NBPF8: variants seen among roughly 807,000 people sequenced by gnomAD.
NBPF8 encodes NBPF family member NBPF8.
upstream of NBPF8, among the ~76,000 whole-genome samples, chr1:120,415,725 C>T (rs1427301597): frequency 1.3e-5 from 2 of 152,184 alleles, no homozygotes; most frequent in Non-Finnish European, 2.9e-5. Flanking sequence ...GCGGTTTCTC[C>T]AGGCTGGTGA....
upstream of NBPF8, among the ~76,000 whole-genome samples, chr1:120,434,510 C>T (rs2101601824): frequency 6.7e-6 from 1 of 148,516 alleles, no homozygotes; most frequent in African/African-American, 2.5e-5. Context: ...CTCCCCCAGC[C>T]CTCACCCCAT....
At chr1:120,419,490 AT>A (rs1370432148), upstream of NBPF8, among the ~76,000 whole-genome samples, 55 of 150,402 alleles carry the variant, frequency 3.7e-4, no homozygotes, top group East Asian at 4.7e-3. Context: ...AGGACTCTTT[AT>A]TTTTTTTTCC....
Position 120,464,556 on chromosome 1 carries a change from C to T in NBPF8, n.3459+8C>T, listed in dbSNP as rs1165414512. 6 of 770,316 alleles carry T rather than the reference C, an allele frequency of 7.8e-6. No individual in the cohort carries two copies. The highest frequency in any genetic ancestry group is 7.0e-5 in the African/African-American group (4 of 57,336). The allele number at this position is 770,316 out of a possible 1,614,324, so 47.7% of individuals were successfully genotyped here. A position where few individuals can be genotyped will look rare whatever the true frequency, so the allele number is the denominator to read the frequency against. Reference sequence around the variant, plus strand: ...TTTCTCTTGACGTGGGAGGTGAGTACCTTTCTATGAAGGTGATAAGGATCC... The same window carrying T: ...TTTCTCTTGACGTGGGAGGTGAGTATCTTTCTATGAAGGTGATAAGGATCC... On this transcript the variant is annotated splice_region_variant and intron_variant and non_coding_transcript_variant, in intron 23 of 24. Coordinates refer to ENST00000583271, the Ensembl canonical transcript of NBPF8.
chr1:120,431,079 C>A (rs1660860919), intron 3 of NBPF8, among the ~76,000 whole-genome samples: 1 of 147,598 alleles, frequency 6.8e-6, no homozygotes, highest in African/African-American at 2.5e-5. Context: ...AATTCACTAC[C>A]TATTTCCAGA....
At chr1:120,429,887 TATC>T (rs1394797921) in intron 3 of NBPF8, among the ~76,000 whole-genome samples, 6 of 150,442 alleles carry the variant, frequency 4.0e-5, no homozygotes, top group Admixed American at 1.3e-4. Context: ...ATTTAAAAAA[TATC>T]ATTTTATATA....
chr1:120,421,132 C>G (rs1660562855), intron 1 of NBPF8, among the ~76,000 whole-genome samples: 1 of 151,958 alleles, frequency 6.6e-6, no homozygotes, highest in South Asian at 2.1e-4. Context: ...GGCACCAGAA[C>G]TTATCCAAAG....
downstream of NBPF8, among the ~76,000 whole-genome samples, chr1:120,468,963 A>T (rs1474826208): frequency 2.0e-5 from 3 of 152,088 alleles, no homozygotes; most frequent in Non-Finnish European, 4.4e-5. Flanking sequence ...TATGGGTGAG[A>T]TTTTTGAGTC....
chr1:120,435,786 A>C (rs1661056054), upstream of NBPF8, among the ~76,000 whole-genome samples: 1 of 151,660 alleles, frequency 6.6e-6, no homozygotes, highest in Non-Finnish European at 1.5e-5. Context: ...GAATAGCGTG[A>C]ACCTGGGAGG....
chr1:120,460,174 C>T (rs1298921736), intron 17 of NBPF8, among the ~76,000 whole-genome samples: 3 of 152,290 alleles, frequency 2.0e-5, no homozygotes, highest in South Asian at 4.2e-4. Context: ...CATTGCACCC[C>T]CTCATCAAAT....
At chr1:120,450,543 T>G (rs1474838808) in intron 11 of NBPF8, among the ~76,000 whole-genome samples, 1 of 152,160 alleles carries the variant, frequency 6.6e-6, no homozygotes, top group East Asian at 1.9e-4. Flanking sequence ...CCTAGAACAT[T>G]TATTGGCACA....
chr1:120,448,979 G>A (rs1281281284), intron 10 of NBPF8, among the ~76,000 whole-genome samples: 1 of 52,966 alleles, frequency 1.9e-5, no homozygotes, highest in Non-Finnish European at 3.7e-5. Flanking sequence ...CAAGAAAAGT[G>A]TAGAAGTGTT....
At chr1:120,424,596 T>A (rs1255177587) in intron 1 of NBPF8, among the ~76,000 whole-genome samples, 9 of 152,252 alleles carry the variant, frequency 5.9e-5, no homozygotes, top group Non-Finnish European at 7.4e-5. Context: ...TACAGGCGCC[T>A]GCCACCACAC....
intron 13 of NBPF8, among the ~76,000 whole-genome samples, chr1:120,452,548 G>A (rs1253372962): frequency 6.6e-6 from 1 of 152,114 alleles, no homozygotes; most frequent in Admixed American, 6.5e-5. Flanking sequence ...CTTGATGGAA[G>A]GTGGTCTCTG....
upstream of NBPF8, among the ~76,000 whole-genome samples, chr1:120,435,830 C>T (rs1395049371): frequency 2.6e-5 from 4 of 151,198 alleles, no homozygotes; most frequent in Non-Finnish European, 5.9e-5. Flanking sequence ...CGCGTCACTG[C>T]ACTCCAGCCT....
downstream of NBPF8, among the ~76,000 whole-genome samples, chr1:120,469,154 G>A (rs1479935599): frequency 1.1e-5 from 1 of 90,728 alleles, no homozygotes; most frequent in Non-Finnish European, 2.2e-5. Context: ...CCAATCTCGT[G>A]GCTGAACTTG....
chr1:120,435,931 A>C (rs1359521598), upstream of NBPF8, among the ~76,000 whole-genome samples: 5 of 151,690 alleles, frequency 3.3e-5, no homozygotes, highest in Admixed American at 6.6e-5. Context: ...TTATGACTTC[A>C]TGACTACCAT....
upstream of NBPF8, among the ~76,000 whole-genome samples, chr1:120,419,323 G>T (rs1232457317): frequency 6.6e-6 from 1 of 152,210 alleles, no homozygotes; most frequent in African/African-American, 2.4e-5. Context: ...TACGTGTACA[G>T]ATAGACCAGA....
At chr1:120,433,205 T>C (rs1241933079), upstream of NBPF8, 2 of 152,190 alleles carry the variant, frequency 1.3e-5, no homozygotes, top group African/African-American at 2.4e-5. Flanking sequence ...TTTCAAAATG[T>C]ATTTGAAAAT....
At chr1:120,454,244 A>T (rs1661370294) in intron 15 of NBPF8, 130 bp downstream of exon 13, 1 of 1,552,434 alleles carries the variant, frequency 6.4e-7, no homozygotes, top group South Asian at 1.1e-5. Flanking sequence ...GATATCAGGG[A>T]GTTTTTTTGT....
Sources: allele counts gnomAD v4.1 joint callset (sites outside exome capture counted in the v4.1 genomes callset), GRCh38; gene constraint gnomAD v4.1.1; transcripts MANE v1.5; gene names NCBI Gene and HGNC (gene_info 2026-07-23, HGNC 2026-07-21).